MAGI1: variants seen among roughly 807,000 people sequenced by gnomAD.
MAGI1 encodes membrane-associated guanylate kinase, WW and PDZ domain-containing protein 1.
MAGI1 carries 58 observed loss-of-function variants against 139.9 expected under a neutral mutation model. The observed-to-expected ratio is 0.41, with a 90% CI of 0.34 to 0.52. The LOEUF (loss-of-function observed/expected upper bound fraction) is 0.52. Ranked by LOEUF, MAGI1 falls within the 20% of genes least tolerant of loss-of-function variation. The pLI, the probability that MAGI1 is intolerant of heterozygous loss-of-function variation, is 0.12. For missense variants in MAGI1, 1,874 were observed against 1,901.6 expected (o/e 0.99, Z 0.27); for synonymous variants, 812 against 737.9 (o/e 1.10, Z -1.63).
chr3:65,505,538 G>T (rs1010224821), intron 2 of MAGI1, among the ~76,000 whole-genome samples: 14 of 151,742 alleles, frequency 9.2e-5, no homozygotes, highest in Admixed American at 2.0e-4. Flanking sequence ...CCAGAAACTC[G>T]GGAGGCTGAA....
chr3:65,515,303 G>T (rs1048999903), intron 2 of MAGI1, among the ~76,000 whole-genome samples: 9 of 150,822 alleles, frequency 6.0e-5, no homozygotes, highest in Non-Finnish European at 8.9e-5. Flanking sequence ...AAAACTTAAA[G>T]TATAAAAAAA....
At chr3:65,857,705 AT>A (rs1174657580) in intron 1 of MAGI1, among the ~76,000 whole-genome samples, 1 of 152,130 alleles carries the variant, frequency 6.6e-6, no homozygotes, top group Non-Finnish European at 1.5e-5. Flanking sequence ...CTTTGGTGAA[AT>A]TTTTAAAACT....
intron 1 of MAGI1, among the ~76,000 whole-genome samples, chr3:65,774,075 T>G (rs2038178080): frequency 6.6e-6 from 1 of 150,836 alleles, no homozygotes; most frequent in South Asian, 2.1e-4. Context: ...CATGGGCATC[T>G]GTTTCCATAG....
chr3:65,878,534 G>C (rs1317289788), intron 1 of MAGI1, among the ~76,000 whole-genome samples: 1 of 137,578 alleles, frequency 7.3e-6, no homozygotes, highest in Non-Finnish European at 1.6e-5. Flanking sequence ...AAAAAAAAAA[G>C]AACGCAGACT....
chr3:65,731,281 C>T (rs9823955), intron 1 of MAGI1, among the ~76,000 whole-genome samples: 55,409 of 151,946 alleles, frequency 0.36, 11,568 homozygotes, highest in African/African-American at 0.55. Context: ...AATTTTCGTG[C>T]TATGGCTAAA....
At chr3:65,903,517 T>A (rs2061321979) in intron 1 of MAGI1, among the ~76,000 whole-genome samples, 1 of 152,128 alleles carries the variant, frequency 6.6e-6, no homozygotes, top group African/African-American at 2.4e-5. Context: ...AATGTTCTTA[T>A]CAAATGTAAT....
chr3:65,544,037 G>A (rs2079384074), intron 2 of MAGI1, among the ~76,000 whole-genome samples: 1 of 151,984 alleles, frequency 6.6e-6, no homozygotes, highest in African/African-American at 2.4e-5. Context: ...GTATATATGG[G>A]GAAAGGGAGA....
chr3:65,918,506 G>C (rs745624829), intron 1 of MAGI1, among the ~76,000 whole-genome samples: 3 of 150,676 alleles, frequency 2.0e-5, no homozygotes, highest in Non-Finnish European at 4.4e-5. Flanking sequence ...TCAGCCTCTC[G>C]AGTAGCTGGG....
intron 9 of MAGI1, among the ~76,000 whole-genome samples, chr3:65,438,176 A>G (rs1382808445): frequency 6.6e-6 from 1 of 152,180 alleles, no homozygotes; most frequent in Admixed American, 6.5e-5. Flanking sequence ...TATGTATGCC[A>G]TGGAATACTG....
At chr3:65,443,183 G>A (rs1486871065) in intron 7 of MAGI1, among the ~76,000 whole-genome samples, 12 of 151,978 alleles carry the variant, frequency 7.9e-5, no homozygotes, top group Non-Finnish European at 1.3e-4. Context: ...AAATGTTTAC[G>A]GTTTTCTCAT....
At chr3:65,951,001 A>G (rs1159066280) in intron 1 of MAGI1, among the ~76,000 whole-genome samples, 24 of 132,180 alleles carry the variant, frequency 1.8e-4, no homozygotes, top group Admixed American at 3.0e-4. Context: ...GGAAGGAAGG[A>G]AGGAAGGAAG....
intron 1 of MAGI1, among the ~76,000 whole-genome samples, chr3:65,910,766 G>A (rs889599245): frequency 5.3e-5 from 8 of 150,220 alleles, no homozygotes; most frequent in Non-Finnish European, 1.0e-4. Context: ...CGACATGAAG[G>A]TCCTGACCTA....
rs754173737 is a variant in MAGI1 at position 65,375,982 on chromosome 3, C to T, written c.2996-37G>A. ...TTGAGTTTTAATTTTTTTAAAGTTACGTGGGAATATAGCAAAGGGAAGAGA... is the reference window on the plus strand; with the variant it reads ...TTGAGTTTTAATTTTTTTAAAGTTATGTGGGAATATAGCAAAGGGAAGAGA... On this transcript the variant is annotated intron_variant, in intron 17 of 22. Transcript: ENST00000402939. 27 of 1,510,892 alleles carry T rather than the reference C, an allele frequency of 1.8e-5. No individual in the cohort carries two copies. The East Asian group carries it at 4.3e-4, about 24-fold the overall frequency. The allele number at this position is 1,510,892 out of a possible 1,614,324, so 93.6% of individuals were successfully genotyped here.
chr3:65,449,591 A>G (rs549627751), intron 6 of MAGI1, among the ~76,000 whole-genome samples: 2 of 152,226 alleles, frequency 1.3e-5, no homozygotes, highest in South Asian at 4.1e-4. Flanking sequence ...CCTGGCCAAC[A>G]TGGTGAAACC....
intron 1 of MAGI1, among the ~76,000 whole-genome samples, chr3:65,815,197 CA>C (rs1336114849): frequency 2.0e-5 from 3 of 152,302 alleles, no homozygotes; most frequent in African/African-American, 7.2e-5. Flanking sequence ...TTCCTTTCGT[CA>C]AAAAGTCTGA....
intron 2 of MAGI1, among the ~76,000 whole-genome samples, chr3:65,584,870 G>T (rs147022696): frequency 6.6e-6 from 1 of 152,134 alleles, no homozygotes; most frequent in African/African-American, 2.4e-5. Flanking sequence ...CTTGTACCAG[G>T]TACTGTGCTA....
At chr3:65,388,834 A>ATT (rs35579495) in intron 14 of MAGI1, among the ~76,000 whole-genome samples, 9,518 of 91,788 alleles carry the variant, frequency 0.1, 2,425 homozygotes, top group East Asian at 0.32. Flanking sequence ...ACCATTCCGA[A>ATT]TTTTTTTTTT....
intron 1 of MAGI1, among the ~76,000 whole-genome samples, chr3:65,717,894 C>T (rs2032469419): frequency 6.6e-6 from 1 of 152,202 alleles, no homozygotes; most frequent in African/African-American, 2.4e-5. Flanking sequence ...TCCAGCTCCA[C>T]ATAAACCTAC....
intron 12 of MAGI1, among the ~76,000 whole-genome samples, chr3:65,403,964 A>G (rs143348501): frequency 3.9e-4 from 60 of 152,348 alleles, no homozygotes; most frequent in African/African-American, 1.4e-3. Context: ...TACAGGTAAC[A>G]ACATAGTCTT....
Sources: gnomAD v4.1 joint callset for allele counts (sites outside exome capture counted in the v4.1 genomes callset) on GRCh38, gnomAD v4.1.1 for gene constraint, MANE v1.5 for transcripts, NCBI Gene and HGNC (gene_info 2026-07-23, HGNC 2026-07-21) for gene names.